RCN2: variants seen among roughly 807,000 people sequenced by gnomAD.
RCN2 encodes reticulocalbin 2.
A neutral mutation model predicts 37.5 loss-of-function variants in RCN2; 23 were observed. The ratio of observed to expected loss-of-function variants is 0.61; its 90% CI spans 0.44 to 0.87. RCN2 has a LOEUF of 0.87. RCN2 is among the 40% of genes least tolerant of loss of function. The pLI is 0.00. For synonymous variants in RCN2, 140 were observed against 144.6 expected (o/e 0.97, Z 0.23); for missense variants, 381 against 390.4 (o/e 0.98, Z 0.20).
At chr15:76,935,135 C>T (rs2075241482) in intron 2 of RCN2, among the ~76,000 whole-genome samples, 1 of 152,090 alleles carries the variant, frequency 6.6e-6, no homozygotes, top group African/African-American at 2.4e-5. Context: ...CCAGCCTGGC[C>T]AACATGGTGA....
Position 76,948,526 on chromosome 15 carries a change from A to C in RCN2, c.775A>C (p.Asn259His). 1 of 1,594,984 alleles carries C rather than the reference A, an allele frequency of 6.3e-7. No individual in the cohort carries two copies. Among genetic ancestry groups the C allele is most frequent in the Non-Finnish European group, 8.6e-7 (1 of 1,169,062 alleles). ...PQELLPWVVP[N>H]NQGIAQEEAL... is the part of the protein sequence containing the mutation. Reference sequence around the variant, plus strand: ...AGAGCTGTTACCTTGGGTAGTACCTAATAATCAGGGCATTGCACAAGAGGA... The same window carrying C: ...AGAGCTGTTACCTTGGGTAGTACCTCATAATCAGGGCATTGCACAAGAGGA... The change falls in exon 6 of 7, where the codon AAT becomes CAT. Residue 259 changes from asparagine to histidine, a missense_variant. Transcript: ENST00000394885.
At chr15:76,937,236 T>G (rs2075254847) in intron 3 of RCN2, among the ~76,000 whole-genome samples, 1 of 152,166 alleles carries the variant, frequency 6.6e-6, no homozygotes, top group African/African-American at 2.4e-5. Context: ...AAAGAAATGC[T>G]CATTGAAGCA....
intron 4 of RCN2, among the ~76,000 whole-genome samples, 195 bp downstream of exon 4, chr15:76,944,066 T>C (rs1568461051): frequency 1.4e-5 from 2 of 146,748 alleles, no homozygotes; most frequent in African/African-American, 2.5e-5. Flanking sequence ...GATCTCGGCT[T>C]ACTGCAAGCT....
Position 76,943,962 on chromosome 15 carries a change from T to C in RCN2, c.561+91T>C. On this transcript the variant is annotated intron_variant, in intron 4 of 6. Coordinates refer to ENST00000394885, the MANE Select transcript of RCN2 (RefSeq NM_002902.3). ...TTTTTGTGGGTACATAGTAGGTATA[T>C]ATGTTTATGGGATACATGAGACTTT... The C allele has an allele frequency of 7.5e-6, 4 of 533,756 alleles. No homozygotes were observed. The South Asian group carries it at 8.4e-5, about 11-fold the overall frequency. 33.1% of individuals were successfully genotyped at this position (533,756 alleles called of 1,614,324 possible). A position where few individuals can be genotyped will look rare whatever the true frequency, so the allele number is the denominator to read the frequency against.
chr15:76,946,456 A>G (rs902748030), intron 4 of RCN2, among the ~76,000 whole-genome samples: 1 of 152,102 alleles, frequency 6.6e-6, no homozygotes, highest in Admixed American at 6.6e-5. Flanking sequence ...GTTAAAAAAA[A>G]AAAGAAGGGG....
At chr15:76,944,409 G>T (rs756533873) in intron 4 of RCN2, among the ~76,000 whole-genome samples, 1 of 152,098 alleles carries the variant, frequency 6.6e-6, no homozygotes, top group Non-Finnish European at 1.5e-5. Context: ...ATTTTAAAAT[G>T]TATAATTAGT....
At chr15:76,940,169 T>G (rs1568460060) in intron 3 of RCN2, among the ~76,000 whole-genome samples, 3 of 152,076 alleles carry the variant, frequency 2.0e-5, no homozygotes, top group African/African-American at 4.8e-5. Context: ...AATCATATGT[T>G]TTTAGAATTT....
intron 2 of RCN2, among the ~76,000 whole-genome samples, chr15:76,933,985 A>G (rs913181596): frequency 1.3e-5 from 2 of 152,186 alleles, no homozygotes; most frequent in Admixed American, 6.5e-5. Flanking sequence ...CCTCACCTGT[A>G]TAATAGTGAT....
At chr15:76,932,263 C>T in intron 1 of RCN2, 98 bp from the exon 2 acceptor site, 2 of 985,336 alleles carry the variant, frequency 2.0e-6, no homozygotes, top group East Asian at 5.2e-5. Context: ...CCCCGAAACC[C>T]TTTGGCAAGG....
intron 3 of RCN2, among the ~76,000 whole-genome samples, chr15:76,936,107 A>C (rs1366435571): frequency 6.6e-6 from 1 of 152,160 alleles, no homozygotes; most frequent in Admixed American, 6.5e-5. Context: ...TACTCACTTA[A>C]AAAAACTGCG....
intron 3 of RCN2, chr15:76,943,523 G>T (rs2075283572): frequency 2.8e-6 from 1 of 363,196 alleles, no homozygotes; most frequent in Non-Finnish European, 5.0e-6. Flanking sequence ...AGTTTGCGCT[G>T]ACACCACAGC....
intron 3 of RCN2, among the ~76,000 whole-genome samples, chr15:76,937,532 G>A (rs1436387558): frequency 2.0e-5 from 3 of 151,690 alleles, no homozygotes; most frequent in Non-Finnish European, 2.9e-5. Flanking sequence ...CACAGCCCCC[G>A]AAGTAGCTGG....
At position 76,952,519 on chromosome 15, in the gene RCN2, A is replaced by G. The variant is rs1037124610; in HGVS notation, c.*3297A>G. On this transcript the variant is annotated 3_prime_UTR_variant, in exon 7 of 7. Coordinates refer to ENST00000394885, the MANE Select transcript of RCN2 (RefSeq NM_002902.3). Reference sequence around the variant, plus strand: ...AATACAGTCAAAATGTGAAACTATTACCACCTTCCATCTCCATGAACTTCA... The same window carrying G: ...AATACAGTCAAAATGTGAAACTATTGCCACCTTCCATCTCCATGAACTTCA... The G allele has an allele frequency of 2.0e-5, 3 of 152,236 alleles. No homozygotes were observed. Among genetic ancestry groups the G allele is most frequent in the Admixed American group, 2.0e-4 (3 of 15,284 alleles). The allele number at this position is 152,236 out of a possible 1,614,324, so 9.4% of individuals were successfully genotyped here. A position where few individuals can be genotyped will look rare whatever the true frequency, so the allele number is the denominator to read the frequency against.
intron 3 of RCN2, chr15:76,942,714 G>GGT (rs2075280852): frequency 6.6e-6 from 1 of 152,264 alleles, no homozygotes; most frequent in Admixed American, 6.5e-5. Flanking sequence ...GGCTGAGGCA[G>GGT]GTGGATAGCC....
rs116105824 is a variant in RCN2, at chr15:76,948,734, G to T, written c.801+182G>T. The T allele has an allele frequency of 1.3e-3, 730 of 575,820 alleles. 6 individuals carry two copies. Among genetic ancestry groups the T allele is most frequent in the African/African-American group, 0.013 (677 of 53,474 alleles). The allele number at this position is 575,820 out of a possible 1,614,324, so 35.7% of individuals were successfully genotyped here. A position where few individuals can be genotyped will look rare whatever the true frequency, so the allele number is the denominator to read the frequency against. ...ATTGTCAGGGAGACGAGGAAGTTAA[G>T]ATTGTGTCATGTATTAATTTGAGAG... On this transcript the variant is annotated intron_variant, in intron 6 of 6. Coordinates refer to ENST00000394885, the MANE Select transcript of RCN2 (RefSeq NM_002902.3).
At chr15:76,938,870 A>G (rs1461774216) in intron 3 of RCN2, 4 of 435,936 alleles carry the variant, frequency 9.2e-6, no homozygotes, top group Non-Finnish European at 1.9e-5. Context: ...AAATGAGGAT[A>G]ATAATTCCCA....
chr15:76,949,239 A>G lies in RCN2; in HGVS notation c.*17A>G, dbSNP rs745335936. 31 of 1,557,230 alleles carry G rather than the reference A, an allele frequency of 2.0e-5. No individual in the cohort carries two copies. Among genetic ancestry groups the G allele is most frequent in the Non-Finnish European group, 2.5e-5 (29 of 1,146,986 alleles). On this transcript the variant is annotated 3_prime_UTR_variant, in exon 7 of 7. Transcript: ENST00000394885. Reference sequence around the variant, plus strand: ...GAGCTTTAATCTCTGAGCCTGTCTCAGTAGAGTACTGGCTCCTTTTATAAT... The same window carrying G: ...GAGCTTTAATCTCTGAGCCTGTCTCGGTAGAGTACTGGCTCCTTTTATAAT...
Position 76,952,198 on chromosome 15 carries a change from CTG to C in RCN2, c.*2978_*2979del, listed in dbSNP as rs1420513150. 6.6e-6 allele frequency: 1 copy of C among 152,214 alleles called. No individual in the cohort carries two copies. The highest frequency in any genetic ancestry group is 1.9e-4 in the East Asian group (1 of 5,180). 9.4% of individuals were successfully genotyped at this position (152,214 alleles called of 1,614,324 possible). A position where few individuals can be genotyped will look rare whatever the true frequency, so the allele number is the denominator to read the frequency against. ...GGTACATTTGTTAAAATCGATGAAA[CTG>C]TTAACATATCATTGTCACCCAAAGT... On this transcript the variant is annotated 3_prime_UTR_variant, in exon 7 of 7. Transcript: ENST00000394885.
chr15:76,932,319 A>T lies in RCN2; in HGVS notation c.145-42A>T, dbSNP rs779182512. The stretch of plus-strand genomic sequence containing the variant: ...TTTTCTCCACCATTTTGCCCCACTG[A>T]TAGTAATGCTTGGCCCTCCTGTGTG... On this transcript the variant is annotated intron_variant, in intron 1 of 6. Coordinates refer to ENST00000394885, the MANE Select transcript of RCN2 (RefSeq NM_002902.3). The T allele has an allele frequency of 2.7e-6, 4 of 1,482,684 alleles. No individual in the cohort carries two copies. In the South Asian group the frequency reaches 4.6e-5, roughly 17 times the overall value. The allele number at this position is 1,482,684 out of a possible 1,614,324, so 91.8% of individuals were successfully genotyped here.
Sources: gnomAD v4.1 joint callset for allele counts (sites outside exome capture counted in the v4.1 genomes callset) on GRCh38, gnomAD v4.1.1 for gene constraint, MANE v1.5 for transcripts, NCBI Gene and HGNC (gene_info 2026-07-23, HGNC 2026-07-21) for gene names.